The following BSPH1 variants were observed in gnomAD, a reference collection of about 807,000 sequenced individuals.
The protein encoded by BSPH1 is binder of sperm protein homolog 1, also known as binder of sperm 1.
BSPH1 carries 21 observed loss-of-function variants against 22.5 expected under a neutral mutation model. The observed-to-expected ratio is 0.93, with a 90% CI of 0.66 to 1.35. The LOEUF is 1.35. BSPH1 is among the 40% of genes most tolerant of loss of function. The pLI is 0.00. For synonymous variants in BSPH1, 42 were observed against 53.6 expected (o/e 0.78, Z 0.95); for missense variants, 141 against 154.2 (o/e 0.91, Z 0.45).
chr19:47,974,474 T>C (rs538693519), intron 5 of BSPH1, among the ~76,000 whole-genome samples: 1 of 151,910 alleles, frequency 6.6e-6, no homozygotes, highest in Non-Finnish European at 1.5e-5. Flanking sequence ...TTCGCCGTGT[T>C]GGCTGGCCTG....
intron 5 of BSPH1, among the ~76,000 whole-genome samples, chr19:47,969,984 G>C (rs984033897): frequency 2.0e-5 from 1 of 50,776 alleles, no homozygotes; most frequent in African/African-American, 4.0e-5. Flanking sequence ...GTTTGTGAGA[G>C]AGAGACTTTA....
intron 1 of BSPH1, among the ~76,000 whole-genome samples, chr19:47,986,159 C>T (rs563814693): frequency 1.1e-4 from 16 of 152,312 alleles, no homozygotes; most frequent in Middle Eastern, 3.4e-3. Flanking sequence ...GTCCTACGAT[C>T]CTAACTTGGC....
intron 5 of BSPH1, among the ~76,000 whole-genome samples, chr19:47,974,393 C>T (rs1487114736): frequency 1.3e-5 from 2 of 151,662 alleles, no homozygotes; most frequent in Non-Finnish European, 2.9e-5. Flanking sequence ...CCTCAGCCTC[C>T]CAAGTAGCTG....
At chr19:47,976,424 G>A (rs115964249) in intron 5 of BSPH1, among the ~76,000 whole-genome samples, 1 of 151,838 alleles carries the variant, frequency 6.6e-6, no homozygotes, top group Non-Finnish European at 1.5e-5. Context: ...AAGCCACCAC[G>A]CCTACCCCAT....
At chr19:47,971,962 T>C (rs1969314372) in intron 5 of BSPH1, among the ~76,000 whole-genome samples, 1 of 152,066 alleles carries the variant, frequency 6.6e-6, no homozygotes, top group South Asian at 2.1e-4. Context: ...GAAAAGTCTT[T>C]AGAAATTTTT....
chr19:47,968,298 C>G (rs1183714251), intron 5 of BSPH1, 89 bp from the exon 6 acceptor site: 1 of 151,984 alleles, frequency 6.6e-6, no homozygotes, highest in Admixed American at 6.6e-5. Context: ...ACTAAAACAT[C>G]TGATCTGGAG....
chr19:47,989,365 T>C (rs1463059333), intron 1 of BSPH1, among the ~76,000 whole-genome samples: 4 of 151,840 alleles, frequency 2.6e-5, no homozygotes, highest in African/African-American at 9.7e-5. Context: ...AGGCTGGTCT[T>C]GAACTCCTGA....
At chr19:47,967,358 C>T (rs529215437), downstream of BSPH1, among the ~76,000 whole-genome samples, 4 of 152,350 alleles carry the variant, frequency 2.6e-5, no homozygotes, top group Non-Finnish European at 1.5e-5. Flanking sequence ...AAGCTGCATG[C>T]TGCTGTCTTC....
chr19:47,978,761 A>G (rs1460364923), intron 3 of BSPH1, among the ~76,000 whole-genome samples: 1 of 152,246 alleles, frequency 6.6e-6, no homozygotes, highest in Non-Finnish European at 1.5e-5. Context: ...TAAAAGATCT[A>G]CTGGTCTTTA....
chr19:47,987,134 T>C (rs941743470), intron 1 of BSPH1, among the ~76,000 whole-genome samples: 1 of 152,246 alleles, frequency 6.6e-6, no homozygotes, highest in Non-Finnish European at 1.5e-5. Flanking sequence ...AATACAGTCA[T>C]ATTCACAGAT....
At chr19:47,976,609 CTCTCT>C in intron 5 of BSPH1, 96 bp downstream of exon 5, 1 of 664,818 alleles carries the variant, frequency 1.5e-6, no homozygotes, top group Non-Finnish European at 2.4e-6. Context: ...AAAAAAAACC[CTCTCT>C]AATGAGAAAG....
chr19:47,976,605 A>AAAACC, intron 5 of BSPH1, 105 bp downstream of exon 5: 1 of 769,150 alleles, frequency 1.3e-6, no homozygotes, highest in Non-Finnish European at 2.0e-6. Flanking sequence ...AACAAAAAAA[A>AAAACC]ACCCTCTCTA....
At chr19:47,989,108 G>GTTTT (rs200248187) in intron 1 of BSPH1, among the ~76,000 whole-genome samples, 3 of 122,384 alleles carry the variant, frequency 2.5e-5, no homozygotes, top group Non-Finnish European at 1.7e-5. Flanking sequence ...TCAAGTCACC[G>GTTTT]TTTTATTATT....
At chr19:47,974,394 C>T (rs1195521551) in intron 5 of BSPH1, among the ~76,000 whole-genome samples, 1 of 151,720 alleles carries the variant, frequency 6.6e-6, no homozygotes, top group Non-Finnish European at 1.5e-5. Flanking sequence ...CTCAGCCTCC[C>T]AAGTAGCTGG....
chr19:47,969,684 G>GGAGAGAGAGAGAGA (rs10589898), intron 5 of BSPH1, among the ~76,000 whole-genome samples: 1,690 of 113,752 alleles, frequency 0.015, 104 homozygotes, highest in East Asian at 0.05. Context: ...AGGGAGAGGG[G>GGAGAGAGAGAGAGA]GAGAGAGAGA....
intron 1 of BSPH1, among the ~76,000 whole-genome samples, chr19:47,985,070 A>G (rs1156718163): frequency 1.6e-5 from 2 of 128,040 alleles, no homozygotes; most frequent in East Asian, 2.3e-4. Flanking sequence ...TCTGAAAAAA[A>G]AAAAAAAAGA....
intron 1 of BSPH1, among the ~76,000 whole-genome samples, chr19:47,982,866 T>C (rs1969432099): frequency 6.6e-6 from 1 of 152,008 alleles, no homozygotes; most frequent in African/African-American, 2.4e-5. Context: ...AAAAGACAAA[T>C]ATTATATGAT....
intron 5 of BSPH1, among the ~76,000 whole-genome samples, 153 bp downstream of exon 5, chr19:47,976,557 T>C (rs971145581): frequency 6.4e-5 from 9 of 140,644 alleles, no homozygotes; most frequent in Non-Finnish European, 1.2e-4. Context: ...TATTTATAGT[T>C]AGATCACCTT....
intron 1 of BSPH1, 106 bp from the exon 2 acceptor site, chr19:47,981,047 T>G (rs1969415431): frequency 3.3e-6 from 2 of 603,938 alleles, no homozygotes; most frequent in Non-Finnish European, 5.6e-6. Context: ...TTTTGAAAGT[T>G]AGACATCAAA....
Sources: gnomAD v4.1 joint callset for allele counts (sites outside exome capture counted in the v4.1 genomes callset) on GRCh38, gnomAD v4.1.1 for gene constraint, MANE v1.5 for transcripts, NCBI Gene and HGNC (gene_info 2026-07-23, HGNC 2026-07-21) for gene names.